The following PIK3CG variants were observed in gnomAD, a reference collection of about 807,000 sequenced individuals.
The protein encoded by PIK3CG is phosphatidylinositol 4,5-bisphosphate 3-kinase catalytic subunit gamma isoform.
A neutral mutation model predicts 102.3 loss-of-function variants in PIK3CG; 55 were observed. That is an observed-to-expected ratio of 0.54 (90% CI 0.43 to 0.67). The LOEUF (loss-of-function observed/expected upper bound fraction) is 0.67, where lower values mean the gene tolerates loss of function less well. PIK3CG is among the 30% of genes least tolerant of loss of function. The pLI is 0.00. For missense variants in PIK3CG, 1,258 were observed against 1,391.8 expected (o/e 0.90, Z 1.53); for synonymous variants, 552 against 540.0 (o/e 1.02, Z -0.31).
In PIK3CG at chr7:106,893,265, A is replaced by G. The variant is rs1375325129; in HGVS notation, c.3030+6973A>G. ...AGTGTGAAGACTTTCAGTACTCACT[A>G]TCTCTCCATGTTATGCACTGGAAGA... On this transcript the variant is annotated intron_variant, in intron 10 of 10. Transcript: ENST00000496166. The surrounding 1 kb of genome is among the most constrained non-coding windows in gnomAD (Gnocchi z 4.4). 6.6e-6 allele frequency among the ~76,000 whole-genome samples: 1 copy of G among 152,078 alleles called. No individual in the cohort carries two copies. Among genetic ancestry groups the G allele is most frequent in the Admixed American group, 6.5e-5 (1 of 15,274 alleles).
rs1269782850 is a variant in PIK3CG, at chr7:106,908,325, T to G, written c.*2938T>G. On this transcript the variant is annotated 3_prime_UTR_variant, in exon 11 of 11. Coordinates refer to ENST00000496166, the MANE Select transcript of PIK3CG (RefSeq NM_001282426.2). This position sits in a 1 kb window ranked among gnomAD's most constrained non-coding sequence, Gnocchi z 4.1. ...TGAATGATGGCTTTGGTGTTCAGTT[T>G]AGCACACGCGGTCTACCACGTCTGC... Among the ~76,000 whole-genome samples, 3 of 152,188 alleles carry G rather than the reference T, an allele frequency of 2.0e-5. No homozygotes were observed. The highest frequency in any genetic ancestry group is 4.8e-5 in the African/African-American group (2 of 41,434).
At position 106,869,208 on chromosome 7, in the gene PIK3CG, C is replaced by T. The variant is rs2116460427; in HGVS notation, c.1647C>T (p.Asn549=). ...ACCGGGTTCGAGCAGAAATGCCCAACCAGCTTCGCAAGCAATTGGAGGCGA... is the reference window on the plus strand; with the variant it reads ...ACCGGGTTCGAGCAGAAATGCCCAATCAGCTTCGCAAGCAATTGGAGGCGA... ...EGDRVRAEMP[N]QLRKQLEAII... is the part of the protein sequence containing the mutation. Residue 549 remains asparagine (N), a synonymous_variant, in exon 2 of 11, where the codon AAC becomes AAT. Transcript: ENST00000496166. This position sits in a 1 kb window ranked among gnomAD's most constrained non-coding sequence, Gnocchi z 5.3. The T allele has an allele frequency of 6.2e-7, 1 of 1,614,236 alleles. No homozygotes were observed. The highest frequency in any genetic ancestry group is 8.5e-7 in the Non-Finnish European group (1 of 1,180,044).
At chr7:106,881,904 A>T (rs971107955) in intron 6 of PIK3CG, among the ~76,000 whole-genome samples, 1 of 152,138 alleles carries the variant, frequency 6.6e-6, no homozygotes, top group African/African-American at 2.4e-5. Flanking sequence ...CTCTTCCCCA[A>T]GGTACATTTC....
rs1313108916 is a variant in PIK3CG, at chr7:106,873,349, T to C, written c.2287+411T>C. ...TTTAATTTTTTGGCATTTCTTCATC[T>C]ATATATCTCAGAGTGATATATAGAG... On this transcript the variant is annotated intron_variant, in intron 4 of 10. Coordinates refer to ENST00000496166, the MANE Select transcript of PIK3CG (RefSeq NM_001282426.2). Among the ~76,000 whole-genome samples, 3 of 152,232 alleles carry C rather than the reference T, an allele frequency of 2.0e-5. No homozygotes were observed. In the East Asian group the frequency reaches 5.8e-4, roughly 29 times the overall value.
Position 106,867,646 on chromosome 7 carries a change from G to C in PIK3CG, c.85G>C (p.Ala29Pro), listed in dbSNP as rs1790341270. 1 of 1,613,246 alleles carries C rather than the reference G, an allele frequency of 6.2e-7. No individual in the cohort carries two copies. The highest frequency in any genetic ancestry group is 8.5e-7 in the Non-Finnish European group (1 of 1,179,958). ...CCGGAGGATGAAGCCGCGCAGTGCT[G>C]CGGCCAGCCTGTCCTCCATGGAGCT... is the stretch of plus-strand genomic sequence containing the variant. ...RRRRMKPRSA[A>P]ASLSSMELIP... Residue 29 changes from alanine (A) to proline (P), a missense_variant, in exon 2 of 11, where the codon GCG becomes CCG. Around this residue, in one of 2 missense-constraint regions of PIK3CG, gnomAD observed 832 missense variants for 787.5 expected, o/e 1.06. Transcript: ENST00000496166. This position sits in a 1 kb window ranked among gnomAD's most constrained non-coding sequence, Gnocchi z 5.1.
rs1385941009 is a variant in PIK3CG, at chr7:106,879,817, G to A, written c.2538+152G>A. Reference sequence around the variant, plus strand: ...ACATCATAGAGAGTTTTCACTTGGGGAATTTGGCTGCAGACTATTAGATAT... The same window carrying A: ...ACATCATAGAGAGTTTTCACTTGGGAAATTTGGCTGCAGACTATTAGATAT... On this transcript the variant is annotated intron_variant, in intron 6 of 10. Transcript: ENST00000496166. This position sits in a 1 kb window ranked among gnomAD's most constrained non-coding sequence, Gnocchi z 4.9. 1 of 658,838 alleles carries A rather than the reference G, an allele frequency of 1.5e-6. No homozygotes were observed. The highest frequency in any genetic ancestry group is 2.6e-6 in the Non-Finnish European group (1 of 390,300). The allele number at this position is 658,838 out of a possible 1,614,324, so 40.8% of individuals were successfully genotyped here. A position where few individuals can be genotyped will look rare whatever the true frequency, so the allele number is the denominator to read the frequency against.
rs143591782 is a variant in PIK3CG, at chr7:106,873,672, G to A, written c.2287+734G>A. Among the ~76,000 whole-genome samples, 753 of 152,100 alleles carry A rather than the reference G, an allele frequency of 5.0e-3. 6 individuals are homozygous for A. The highest frequency in any genetic ancestry group is 0.017 in the Middle Eastern group (5 of 290). On this transcript the variant is annotated intron_variant, in intron 4 of 10. Coordinates refer to ENST00000496166, the MANE Select transcript of PIK3CG (RefSeq NM_001282426.2). ...TTCATGGATTATGATATCTGCAGGAGGTCCTGGAACCAATCCTTACAGACA... is the reference window on the plus strand; with the variant it reads ...TTCATGGATTATGATATCTGCAGGAAGTCCTGGAACCAATCCTTACAGACA...
In PIK3CG at chr7:106,883,046, T is replaced by C; in HGVS notation, c.2643T>C (p.Ile881=). The change falls in exon 8 of 11, where the codon ATT becomes ATC. Residue 881 remains isoleucine (I), a synonymous_variant. Coordinates refer to ENST00000496166, the MANE Select transcript of PIK3CG (RefSeq NM_001282426.2). This position sits in a 1 kb window ranked among gnomAD's most constrained non-coding sequence, Gnocchi z 5.8. ...STGDKIGMIE[I]VKDATTIAKI... ...ATCCTTCTGTAGGAATGATCGAGAT[T>C]GTGAAAGACGCCACGACAATTGCCA... 2 of 1,614,038 alleles carry C rather than the reference T, an allele frequency of 1.2e-6. No homozygotes were observed. Among genetic ancestry groups the C allele is most frequent in the Non-Finnish European group, 1.7e-6 (2 of 1,179,972 alleles).
rs201310075 is a variant in PIK3CG, at chr7:106,867,769, A to C, written c.208A>C (p.Met70Leu). The part of the protein sequence containing the change: ...HVAGHGNVEQ[M>L]KAQVWLRALE... ...GGCCGGCCACGGCAACGTGGAGCAG[A>C]TGAAGGCCCAGGTGTGGCTGCGAGC... The change falls in exon 2 of 11, where the codon ATG (methionine) becomes CTG (leucine). Residue 70 changes from methionine (M) to leucine (L), a missense_variant. Physicochemically the swap from Met to Leu is conservative, Grantham distance 15 (BLOSUM62 2). This residue lies in a region of PIK3CG where 832 missense variants were observed against 787.5 expected (regional missense o/e 1.06). Coordinates refer to ENST00000496166, the MANE Select transcript of PIK3CG (RefSeq NM_001282426.2). The surrounding 1 kb of genome is among the most constrained non-coding windows in gnomAD (Gnocchi z 5.1). 1 of 1,613,014 alleles carries C rather than the reference A, an allele frequency of 6.2e-7. No homozygotes were observed. Among genetic ancestry groups the C allele is most frequent in the Non-Finnish European group, 8.5e-7 (1 of 1,179,930 alleles).
intron 2 of PIK3CG, among the ~76,000 whole-genome samples, chr7:106,871,434 T>C (rs567236293): frequency 6.6e-6 from 1 of 152,318 alleles, no homozygotes; most frequent in Non-Finnish European, 1.5e-5. Flanking sequence ...ATGAAGCCAC[T>C]AGTGATCATG....
chr7:106,882,107 C>T lies in PIK3CG; in HGVS notation c.2539-10C>T, dbSNP rs1243611939. 1.4e-6 allele frequency: 2 copies of T among 1,396,976 alleles called. No individual in the cohort carries two copies. Among genetic ancestry groups the T allele is most frequent in the Non-Finnish European group, 9.6e-7 (1 of 1,046,030 alleles). 86.5% of individuals were successfully genotyped at this position (1,396,976 alleles called of 1,614,324 possible). A position where few individuals can be genotyped will look rare whatever the true frequency, so the allele number is the denominator to read the frequency against. ...ATATAATATAAACATTTCTGTGTTT[C>T]GATGCCCAGATTCTACGAATCATGG... On this transcript the variant is annotated splice_polypyrimidine_tract_variant and intron_variant, in intron 6 of 10. Coordinates refer to ENST00000496166, the MANE Select transcript of PIK3CG (RefSeq NM_001282426.2).
chr7:106,908,220 G>T lies in PIK3CG; in HGVS notation c.*2833G>T, dbSNP rs1791740495. 6.6e-6 allele frequency among the ~76,000 whole-genome samples: 1 copy of T among 152,174 alleles called. No individual in the cohort carries two copies. Among genetic ancestry groups the T allele is most frequent in the African/African-American group, 2.4e-5 (1 of 41,438 alleles). ...GAAATTCGAGATGGCAACAGCAGTTGTCACACCAAGCACAGTGCCCTTCTG... is the reference window on the plus strand; with the variant it reads ...GAAATTCGAGATGGCAACAGCAGTTTTCACACCAAGCACAGTGCCCTTCTG... On this transcript the variant is annotated 3_prime_UTR_variant, in exon 11 of 11. Coordinates refer to ENST00000496166, the MANE Select transcript of PIK3CG (RefSeq NM_001282426.2). The surrounding 1 kb of genome is among the most constrained non-coding windows in gnomAD (Gnocchi z 4.1).
In PIK3CG at chr7:106,891,672, G is replaced by C. The variant is rs1791267511; in HGVS notation, c.3030+5380G>C. Among the ~76,000 whole-genome samples the C allele has an allele frequency of 6.6e-6, 1 of 152,136 alleles. No individual in the cohort carries two copies. Among genetic ancestry groups the C allele is most frequent in the Non-Finnish European group, 1.5e-5 (1 of 68,032 alleles). On this transcript the variant is annotated intron_variant, in intron 10 of 10. Coordinates refer to ENST00000496166, the MANE Select transcript of PIK3CG (RefSeq NM_001282426.2). The surrounding 1 kb of genome is among the most constrained non-coding windows in gnomAD (Gnocchi z 4.4). Reference sequence around the variant, plus strand: ...AGGGGAGCCAAATAACACATCTACAGACAAATCTATGCAAAGCAGGTCGTT... The same window carrying C: ...AGGGGAGCCAAATAACACATCTACACACAAATCTATGCAAAGCAGGTCGTT...
Position 106,867,797 on chromosome 7 carries a change from T to C in PIK3CG, c.236T>C (p.Leu79Pro). ...QMKAQVWLRA[L>P]ETSVAADFYH... Reference sequence around the variant, plus strand: ...AAGGCCCAGGTGTGGCTGCGAGCGCTGGAGACCAGCGTGGCGGCGGACTTC... The same window carrying C: ...AAGGCCCAGGTGTGGCTGCGAGCGCCGGAGACCAGCGTGGCGGCGGACTTC... The change falls in exon 2 of 11, where the codon CTG (leucine) becomes CCG (proline). Residue 79 changes from leucine to proline, a missense_variant. Around this residue, in one of 2 missense-constraint regions of PIK3CG, gnomAD observed 832 missense variants for 787.5 expected, o/e 1.06. Coordinates refer to ENST00000496166, the MANE Select transcript of PIK3CG (RefSeq NM_001282426.2). The surrounding 1 kb of genome is among the most constrained non-coding windows in gnomAD (Gnocchi z 5.1). 6.2e-7 allele frequency: 1 copy of C among 1,612,658 alleles called. No homozygotes were observed. The highest frequency in any genetic ancestry group is 8.5e-7 in the Non-Finnish European group (1 of 1,179,922).
In PIK3CG at chr7:106,907,086, A is replaced by G. The variant is rs1413748475; in HGVS notation, c.*1699A>G. ...CAGAGAGTCATGATCATGTCCTTACACTCCAGCCTGGATAACAGAGCGAGA... is the reference window on the plus strand; with the variant it reads ...CAGAGAGTCATGATCATGTCCTTACGCTCCAGCCTGGATAACAGAGCGAGA... On this transcript the variant is annotated 3_prime_UTR_variant, in exon 11 of 11. Transcript: ENST00000496166. 5.1e-6 allele frequency: 1 copy of G among 195,566 alleles called. No individual in the cohort carries two copies. The highest frequency in any genetic ancestry group is 1.1e-5 in the Non-Finnish European group (1 of 94,200). The allele number at this position is 195,566 out of a possible 1,614,324, so 12.1% of individuals were successfully genotyped here. A position where few individuals can be genotyped will look rare whatever the true frequency, so the allele number is the denominator to read the frequency against.
Position 106,869,232 on chromosome 7 carries a change from G to T in PIK3CG, c.1671G>T (p.Ala557=), listed in dbSNP as rs267601222. The change falls in exon 2 of 11, where the codon GCG becomes GCT. Residue 557 remains alanine (A), a synonymous_variant. Transcript: ENST00000496166. The surrounding 1 kb of genome is among the most constrained non-coding windows in gnomAD (Gnocchi z 5.3). ...MPNQLRKQLE[A]IIATDPLNPL... The stretch of plus-strand genomic sequence containing the variant: ...ACCAGCTTCGCAAGCAATTGGAGGC[G>T]ATCATAGCCACTGATCCACTTAACC... 3.1e-6 allele frequency: 5 copies of T among 1,614,180 alleles called. No individual in the cohort carries two copies. Among genetic ancestry groups the T allele is most frequent in the African/African-American group, 1.3e-5 (1 of 75,050 alleles).
rs1341740579 is a variant in PIK3CG at position 106,894,790 on chromosome 7, C to T, written c.3030+8498C>T. Among the ~76,000 whole-genome samples, 1 of 152,148 alleles carries T rather than the reference C, an allele frequency of 6.6e-6. No individual in the cohort carries two copies. Among genetic ancestry groups the T allele is most frequent in the East Asian group, 1.9e-4 (1 of 5,194 alleles). On this transcript the variant is annotated intron_variant, in intron 10 of 10. Transcript: ENST00000496166. The surrounding 1 kb of genome is among the most constrained non-coding windows in gnomAD (Gnocchi z 4.4). ...GTTAAGTATTTCATGTGACCTCAGACAGTCTGTAGCAGCCACAGCTCATCA... is the reference window on the plus strand; with the variant it reads ...GTTAAGTATTTCATGTGACCTCAGATAGTCTGTAGCAGCCACAGCTCATCA...
rs1201945706 is a variant in PIK3CG at position 106,867,065 on chromosome 7, C to G, written c.-12-485C>G. Among the ~76,000 whole-genome samples the G allele has an allele frequency of 2.0e-5, 3 of 152,242 alleles. No individual in the cohort carries two copies. Among genetic ancestry groups the G allele is most frequent in the Middle Eastern group, 3.4e-3 (1 of 294 alleles). ...TTGTAAACTGGGACTTGAACCTTAA[C>G]TGTACTATTTTAGTAATCTATATGT... On this transcript the variant is annotated intron_variant, in intron 1 of 10. Coordinates refer to ENST00000496166, the MANE Select transcript of PIK3CG (RefSeq NM_001282426.2). This position sits in a 1 kb window ranked among gnomAD's most constrained non-coding sequence, Gnocchi z 5.1.
intron 5 of PIK3CG, among the ~76,000 whole-genome samples, chr7:106,875,904 TTTTTG>T (rs1400983401): frequency 7.9e-6 from 1 of 126,914 alleles, no homozygotes; most frequent in African/African-American, 3.0e-5. Flanking sequence ...ATCAGTTTTT[TTTTTG>T]TTTTTTTTTT....
Sources: gnomAD v4.1 joint callset for allele counts (sites outside exome capture counted in the v4.1 genomes callset) on GRCh38, gnomAD v4.1.1 for gene constraint, gnomAD v4.1.1 regional missense constraint, Gnocchi (gnomAD v3.1) non-coding constraint, MANE v1.5 for transcripts, NCBI Gene and HGNC (gene_info 2026-07-23, HGNC 2026-07-21) for gene names.